LPP: variants seen among roughly 807,000 people sequenced by gnomAD.
The protein encoded by LPP is LIM domain containing preferred translocation partner in lipoma.
In LPP, 38 loss-of-function variants were observed where a neutral mutation model predicts 60.4. The observed-to-expected ratio is 0.63, with a 90% CI of 0.49 to 0.83. The LOEUF (loss-of-function observed/expected upper bound fraction) is 0.83, where lower values mean the gene tolerates loss of function less well. LPP is among the 40% of genes least tolerant of loss of function. The probability of loss-of-function intolerance (pLI) is 0.00; values close to 1 mark genes in which losing one functional copy is unlikely to be tolerated. For missense variants in LPP, 902 were observed against 783.6 expected, an observed-to-expected ratio of 1.15 and a Z score of -1.80; for synonymous variants, 328 against 290.8, an observed-to-expected ratio of 1.13 and a Z score of -1.30.
chr3:188,500,717 T>G (rs1811573270), intron 5 of LPP, among the ~76,000 whole-genome samples: 1 of 152,208 alleles, frequency 6.6e-6, no homozygotes, highest in African/African-American at 2.4e-5. Context: ...GGATACTGAT[T>G]CAATCTTCTT....
chr3:188,163,521 G>A (rs1366370453), intron 1 of LPP, among the ~76,000 whole-genome samples: 1 of 152,118 alleles, frequency 6.6e-6, no homozygotes, highest in Non-Finnish European at 1.5e-5. Flanking sequence ...TACGTTATAT[G>A]GTCACCCTAC....
intron 6 of LPP, among the ~76,000 whole-genome samples, chr3:188,570,869 T>C (rs932987867): frequency 6.6e-6 from 1 of 151,978 alleles, no homozygotes; most frequent in Admixed American, 6.6e-5. Context: ...GAGCCTAATA[T>C]TCTCCTCCTA....
chr3:188,489,335 G>T (rs1179888928), intron 5 of LPP, among the ~76,000 whole-genome samples: 1 of 152,202 alleles, frequency 6.6e-6, no homozygotes, highest in East Asian at 1.9e-4. Context: ...GTGGTGGAGA[G>T]TGAGGGAAGT....
chr3:188,588,701 T>C (rs978237544), intron 6 of LPP, among the ~76,000 whole-genome samples: 1 of 152,260 alleles, frequency 6.6e-6, no homozygotes, highest in Non-Finnish European at 1.5e-5. Context: ...GTTATTAAAT[T>C]CTGCCACATT....
At chr3:188,539,849 G>A (rs1824669436) in intron 6 of LPP, among the ~76,000 whole-genome samples, 1 of 152,100 alleles carries the variant, frequency 6.6e-6, no homozygotes, top group Admixed American at 6.6e-5. Flanking sequence ...AATGATGCTA[G>A]GATTTCATGG....
chr3:188,330,576 T>C (rs994034080), intron 2 of LPP, among the ~76,000 whole-genome samples: 1 of 152,162 alleles, frequency 6.6e-6, no homozygotes, highest in Admixed American at 6.6e-5. Context: ...GAATGAGCTC[T>C]TCCTCAATCC....
intron 5 of LPP, among the ~76,000 whole-genome samples, chr3:188,523,769 A>G (rs1819671293): frequency 6.6e-6 from 1 of 152,242 alleles, no homozygotes; most frequent in African/African-American, 2.4e-5. Context: ...TGCTGAAGAT[A>G]CACTTTGGTC....
intron 3 of LPP, among the ~76,000 whole-genome samples, chr3:188,395,502 G>C (rs908964201): frequency 1.3e-5 from 2 of 152,004 alleles, no homozygotes; most frequent in African/African-American, 4.8e-5. Flanking sequence ...AAAGTGCTAG[G>C]ATTATATGTG....
At position 188,879,241 on chromosome 3, in the gene LPP, T is replaced by G. The variant is rs1376302467; in HGVS notation, c.*4762T>G. 4.3e-6 allele frequency: 1 copy of G among 230,762 alleles called. No individual in the cohort carries two copies. The highest frequency in any genetic ancestry group is 8.6e-6 in the Non-Finnish European group (1 of 116,598). 14.3% of individuals were successfully genotyped at this position (230,762 alleles called of 1,614,324 possible). A position where few individuals can be genotyped will look rare whatever the true frequency, so the allele number is the denominator to read the frequency against. The stretch of plus-strand genomic sequence containing the variant: ...ACTATGACTTGGTAAGGATTCTTCC[T>G]CTCTTGCTTTCTTCCTCCCTTCCTT... On this transcript the variant is annotated 3_prime_UTR_variant, in exon 12 of 12. Coordinates refer to ENST00000617246, the MANE Select transcript of LPP (RefSeq NM_001375462.1).
chr3:188,716,785 T>G (rs1714190114), intron 8 of LPP, among the ~76,000 whole-genome samples: 1 of 152,172 alleles, frequency 6.6e-6, no homozygotes, highest in Non-Finnish European at 1.5e-5. Flanking sequence ...TGATAGGTAC[T>G]CAAGCAACTG....
intron 2 of LPP, among the ~76,000 whole-genome samples, chr3:188,255,213 CTCTGCTGGATGCTT>C (rs1731260751): frequency 6.6e-6 from 1 of 152,202 alleles, no homozygotes; most frequent in Non-Finnish European, 1.5e-5. Context: ...CTGCTGAAGA[CTCTGCTGGATGCTT>C]TCTCCAGACA....
chr3:188,660,746 C>T (rs907222844), intron 7 of LPP, among the ~76,000 whole-genome samples: 2 of 152,036 alleles, frequency 1.3e-5, no homozygotes, highest in African/African-American at 4.8e-5. Flanking sequence ...CCCATATACC[C>T]CCATCCCCAC....
intron 9 of LPP, among the ~76,000 whole-genome samples, chr3:188,822,800 T>C (rs532620915): frequency 1.3e-5 from 2 of 152,288 alleles, no homozygotes; most frequent in East Asian, 1.9e-4. Flanking sequence ...TGCTTTATGA[T>C]ACAATTTCCA....
intron 7 of LPP, among the ~76,000 whole-genome samples, chr3:188,638,900 T>A (rs1011592655): frequency 2.0e-5 from 3 of 152,138 alleles, no homozygotes; most frequent in African/African-American, 7.2e-5. Flanking sequence ...TCCATGCTCA[T>A]GGATAAGAAG....
At chr3:188,859,092 A>T (rs1201639605) in intron 9 of LPP, among the ~76,000 whole-genome samples, 52 of 35,072 alleles carry the variant, frequency 1.5e-3, no homozygotes, top group African/African-American at 5.9e-3. Context: ...CTGTCTTTAA[A>T]AAAAAAAAAA....
At chr3:188,266,398 C>T (rs1261063929) in intron 2 of LPP, among the ~76,000 whole-genome samples, 4 of 152,024 alleles carry the variant, frequency 2.6e-5, no homozygotes, top group Non-Finnish European at 5.9e-5. Flanking sequence ...GGCCGCACAG[C>T]GCAGGAGACT....
At chr3:188,550,901 G>A (rs1179328327) in intron 6 of LPP, among the ~76,000 whole-genome samples, 1 of 152,140 alleles carries the variant, frequency 6.6e-6, no homozygotes, top group Non-Finnish European at 1.5e-5. Flanking sequence ...ACGTTAGTTG[G>A]TGTCACTATA....
In LPP at chr3:188,339,091, G is replaced by A. The variant is rs1013413223; in HGVS notation, c.-66-2572G>A. 3.3e-5 allele frequency among the ~76,000 whole-genome samples: 5 copies of A among 152,202 alleles called. No individual in the cohort carries two copies. The South Asian group carries it at 1.0e-3, about 32-fold the overall frequency. On this transcript the variant is annotated intron_variant, in intron 2 of 11. Transcript: ENST00000617246. ...TCTGTAAAATTGCTTCTGAGGGTGA[G>A]CATATTTTTGAGGGGAGAGAGGATG...
At chr3:188,250,444 G>T (rs1728723183) in intron 2 of LPP, among the ~76,000 whole-genome samples, 1 of 152,178 alleles carries the variant, frequency 6.6e-6, no homozygotes, top group African/African-American at 2.4e-5. Context: ...ACTGATCAAG[G>T]CATTGTCCAG....
Sources: gnomAD v4.1 joint callset for allele counts (sites outside exome capture counted in the v4.1 genomes callset) on GRCh38, gnomAD v4.1.1 for gene constraint, MANE v1.5 for transcripts, NCBI Gene and HGNC (gene_info 2026-07-23, HGNC 2026-07-21) for gene names.